GIMAP6: variants seen among roughly 807,000 people sequenced by gnomAD.
GIMAP6 encodes GTPase IMAP family member 6.
In GIMAP6, 6 loss-of-function variants were observed where a neutral mutation model predicts 9.3. The ratio of observed to expected loss-of-function variants is 0.65; its 90% CI spans 0.35 to 1.27. GIMAP6 has a LOEUF of 1.27. GIMAP6 is among the 50% of genes most tolerant of loss of function. GIMAP6 has a pLI of 0.03. For missense variants in GIMAP6, 333 were observed against 359.5 expected (o/e 0.93, Z 0.60); for synonymous variants, 156 against 151.1 (o/e 1.03, Z -0.24).
Position 150,630,565 on chromosome 7 carries a change from G to A in GIMAP6, c.1-423C>T, listed in dbSNP as rs1478289797. Among the ~76,000 whole-genome samples, 4 of 152,328 alleles carry A rather than the reference G, an allele frequency of 2.6e-5. 1 individual carries two copies. In the South Asian group the frequency reaches 8.3e-4, roughly 32 times the overall value. ...TGTGATTCTGATCCTGTGTTCCCTG[G>A]GAGCAGCAGGAAGGCCTGGTGTGCC... On this transcript the variant is annotated intron_variant, in intron 1 of 2. Coordinates refer to ENST00000328902, the MANE Select transcript of GIMAP6 (RefSeq NM_024711.6).
Position 150,627,534 on chromosome 7 carries a change from T to C in GIMAP6, c.*185A>G, listed in dbSNP as rs187554232. The C allele has an allele frequency of 0.01, 6,637 of 663,310 alleles. 446 individuals carry two copies. The South Asian group carries it at 0.12, about 12-fold the overall frequency. 41.1% of individuals were successfully genotyped at this position (663,310 alleles called of 1,614,324 possible). A position where few individuals can be genotyped will look rare whatever the true frequency, so the allele number is the denominator to read the frequency against. On this transcript the variant is annotated 3_prime_UTR_variant, in exon 3 of 3. Transcript: ENST00000328902. Reference sequence around the variant, plus strand: ...GACCCAGATGTTCTGGAAGAAGGAATGAAGGAACTGGAATGTGATCTGGGC... The same window carrying C: ...GACCCAGATGTTCTGGAAGAAGGAACGAAGGAACTGGAATGTGATCTGGGC...
rs182590768 is a variant in GIMAP6 at position 150,625,436 on chromosome 7, C to T, written c.*2283G>A. On this transcript the variant is annotated 3_prime_UTR_variant, in exon 3 of 3. Transcript: ENST00000328902. ...TGTTTTGAGTGCCTTGCCAGTTAGT[C>T]GCTGAATGGATCTCATTTGGTCAAA... 7.9e-4 allele frequency: 120 copies of T among 152,246 alleles called. No homozygotes were observed. The highest frequency in any genetic ancestry group is 2.5e-3 in the African/African-American group (102 of 41,542). The allele number at this position is 152,246 out of a possible 1,614,324, so 9.4% of individuals were successfully genotyped here.
rs972425368 is a variant in GIMAP6 at position 150,626,451 on chromosome 7, G to T, written c.*1268C>A. On this transcript the variant is annotated 3_prime_UTR_variant, in exon 3 of 3. Coordinates refer to ENST00000328902, the MANE Select transcript of GIMAP6 (RefSeq NM_024711.6). ...CTCAAAGGAGGTGGGGTGCACCCGGGGCACATCAGTCTCCTCTTGCTGGCA... is the reference window on the plus strand; with the variant it reads ...CTCAAAGGAGGTGGGGTGCACCCGGTGCACATCAGTCTCCTCTTGCTGGCA... 3.9e-4 allele frequency: 60 copies of T among 152,274 alleles called. No individual in the cohort carries two copies. The highest frequency in any genetic ancestry group is 1.3e-3 in the African/African-American group (55 of 41,440). The allele number at this position is 152,274 out of a possible 1,614,324, so 9.4% of individuals were successfully genotyped here.
Position 150,630,146 on chromosome 7 carries a change from C to CAAAAAA in GIMAP6, c.1-10_1-5dup, listed in dbSNP as rs58764098. ...GTTCATATTCTTCTTCCTCCATCTA[C>CAAAAAA]AAAAAAAAAAAAAAAAAAAAAATCA... On this transcript the variant is annotated splice_polypyrimidine_tract_variant and splice_region_variant and intron_variant, in intron 1 of 2. Coordinates refer to ENST00000328902, the MANE Select transcript of GIMAP6 (RefSeq NM_024711.6). 3.4e-5 allele frequency: 32 copies of CAAAAAA among 936,234 alleles called. No individual in the cohort carries two copies. The highest frequency in any genetic ancestry group is 1.7e-4 in the South Asian group (7 of 41,310). 58.0% of individuals were successfully genotyped at this position (936,234 alleles called of 1,614,324 possible). A position where few individuals can be genotyped will look rare whatever the true frequency, so the allele number is the denominator to read the frequency against.
chr7:150,628,293 G>A lies in GIMAP6; in HGVS notation c.305C>T (p.Pro102Leu). ...GTCTGCCACCTCTGGCGAGACCTGG[G>A]GGGACAGAATGTTGGGTGTGTCAAT... Reference protein sequence around the residue: ...EVIDTPNILSPQVSPEVADAI... With the variant: ...EVIDTPNILSLQVSPEVADAI... Residue 102 changes from proline to leucine, a missense_variant, in exon 3 of 3, where the codon CCC becomes CTC. By Grantham distance (98) the Pro-to-Leu change is moderately conservative (BLOSUM62 -3). Transcript: ENST00000328902. 1 of 1,614,196 alleles carries A rather than the reference G, an allele frequency of 6.2e-7. No individual in the cohort carries two copies. The highest frequency in any genetic ancestry group is 8.5e-7 in the Non-Finnish European group (1 of 1,180,016).
intron 1 of GIMAP6, among the ~76,000 whole-genome samples, chr7:150,631,664 C>A (rs968884297): frequency 6.6e-6 from 1 of 152,216 alleles, no homozygotes; most frequent in African/African-American, 2.4e-5. Flanking sequence ...ACCTCCCTGC[C>A]TCCTCCTAGA....
Position 150,628,007 on chromosome 7 carries a change from G to A in GIMAP6, c.591C>T (p.Cys197=), listed in dbSNP as rs561097678. 1.7e-5 allele frequency: 28 copies of A among 1,614,234 alleles called. No homozygotes were observed. Among genetic ancestry groups the A allele is most frequent in the African/African-American group, 5.3e-5 (4 of 75,066 alleles). ...WLDVTLARRH[C]GFNNRAQGEE... is the part of the protein sequence containing the mutation. ...CCCCCTGTGCCCTGTTGTTGAAGCC[G>A]CAATGGCGCCGTGCAAGGGTCACAT... The change falls in exon 3 of 3, where the codon TGC becomes TGT. Residue 197 remains cysteine (C), a synonymous_variant. Transcript: ENST00000328902.
chr7:150,630,413 A>G (rs1796372486), intron 1 of GIMAP6, among the ~76,000 whole-genome samples: 2 of 152,096 alleles, frequency 1.3e-5, no homozygotes, highest in Non-Finnish European at 2.9e-5. Context: ...TAAAGGTGCA[A>G]CTGGCCTGGG....
At chr7:150,629,951 G>T in intron 2 of GIMAP6, 107 bp downstream of exon 2, 4 of 780,380 alleles carry the variant, frequency 5.1e-6, no homozygotes, top group South Asian at 1.7e-5. Flanking sequence ...AAATTTCTGT[G>T]ACTGGGGGAC....
chr7:150,629,950 T>G lies in GIMAP6; in HGVS notation c.85+108A>C, dbSNP rs2116785596. The G allele has an allele frequency of 3.9e-6, 3 of 777,100 alleles. No individual in the cohort carries two copies. In the South Asian group the frequency reaches 5.0e-5, roughly 13 times the overall value. 48.1% of individuals were successfully genotyped at this position (777,100 alleles called of 1,614,324 possible). On this transcript the variant is annotated intron_variant, in intron 2 of 2. Coordinates refer to ENST00000328902, the MANE Select transcript of GIMAP6 (RefSeq NM_024711.6). ...GGTGGCTGAGGCGGGTAAATTTCTGTGACTGGGGGACGTCAGCTTCCTCTC... is the reference window on the plus strand; with the variant it reads ...GGTGGCTGAGGCGGGTAAATTTCTGGGACTGGGGGACGTCAGCTTCCTCTC...
chr7:150,629,960 A>G (rs1585183549), intron 2 of GIMAP6, 98 bp downstream of exon 2: 1 of 804,358 alleles, frequency 1.2e-6, no homozygotes, highest in South Asian at 1.7e-5. Flanking sequence ...TGACTGGGGG[A>G]CGTCAGCTTC....
chr7:150,631,915 A>AAC (rs757248714), intron 1 of GIMAP6, among the ~76,000 whole-genome samples: 6 of 151,924 alleles, frequency 3.9e-5, no homozygotes, highest in Admixed American at 6.6e-5. Context: ...ACAAATACAC[A>AAC]ACACACACAC....
intron 2 of GIMAP6, among the ~76,000 whole-genome samples, chr7:150,629,153 C>T (rs1796350947): frequency 6.6e-6 from 1 of 152,202 alleles, no homozygotes; most frequent in African/African-American, 2.4e-5. Flanking sequence ...CCCACCTAGC[C>T]CAGTGCAGAG....
At chr7:150,631,358 G>A (rs1471360968) in intron 1 of GIMAP6, among the ~76,000 whole-genome samples, 1 of 152,194 alleles carries the variant, frequency 6.6e-6, no homozygotes, top group Non-Finnish European at 1.5e-5. Flanking sequence ...AAGCAGGCCA[G>A]GCGGACAGCC....
At chr7:150,628,835 G>T in intron 2 of GIMAP6, 1 of 1,065,780 alleles carries the variant, frequency 9.4e-7, no homozygotes, top group Non-Finnish European at 1.3e-6. Context: ...CTGGCCTTGC[G>T]GGTCCCAAGA....
intron 2 of GIMAP6, among the ~76,000 whole-genome samples, chr7:150,629,144 C>A (rs1796350853): frequency 6.6e-6 from 1 of 152,196 alleles, no homozygotes; most frequent in South Asian, 2.1e-4. Flanking sequence ...TCATCCCCAC[C>A]CACCTAGCCC....
rs201051041 is a variant in GIMAP6, at chr7:150,628,249, C to A, written c.349G>T (p.Val117Phe). 5.0e-6 allele frequency: 8 copies of A among 1,614,102 alleles called. No homozygotes were observed. Among genetic ancestry groups the A allele is most frequent in the Non-Finnish European group, 6.8e-6 (8 of 1,179,960 alleles). Residue 117 changes from valine to phenylalanine, a missense_variant, in exon 3 of 3, where the codon GTC becomes TTC. By Grantham distance (50) the Val-to-Phe change is conservative (BLOSUM62 -1). Coordinates refer to ENST00000328902, the MANE Select transcript of GIMAP6 (RefSeq NM_024711.6). ...GCGTGGGGCCCTGGGGCGGATAAGACGATGGCTTGGCAGATAGCGTCTGCC... is the reference window on the plus strand; with the variant it reads ...GCGTGGGGCCCTGGGGCGGATAAGAAGATGGCTTGGCAGATAGCGTCTGCC... ...EVADAICQAIVLSAPGPHAVL... is the reference protein window; with the variant it reads ...EVADAICQAIFLSAPGPHAVL...
Position 150,628,276 on chromosome 7 carries a change from C to T in GIMAP6, c.322G>A (p.Val108Met), listed in dbSNP as rs756267501. The T allele has an allele frequency of 9.3e-6, 15 of 1,614,070 alleles. No individual in the cohort carries two copies. In the Admixed American group the frequency reaches 1.3e-4, roughly 14 times the overall value. The part of the protein sequence containing the change: ...NILSPQVSPE[V>M]ADAICQAIVL... ...ATGGCTTGGCAGATAGCGTCTGCCACCTCTGGCGAGACCTGGGGGGACAGA... is the reference window on the plus strand; with the variant it reads ...ATGGCTTGGCAGATAGCGTCTGCCATCTCTGGCGAGACCTGGGGGGACAGA... The change falls in exon 3 of 3, where the codon GTG becomes ATG. Residue 108 changes from valine (V) to methionine (M), a missense_variant. Transcript: ENST00000328902.
intron 1 of GIMAP6, among the ~76,000 whole-genome samples, chr7:150,630,350 T>A (rs556071265): frequency 1.3e-5 from 2 of 152,164 alleles, no homozygotes; most frequent in South Asian, 4.2e-4. Context: ...AGGGATGCTA[T>A]CCCTCGCCCC....
Sources: allele counts gnomAD v4.1 joint callset (sites outside exome capture counted in the v4.1 genomes callset), GRCh38; gene constraint gnomAD v4.1.1; transcripts MANE v1.5; gene names NCBI Gene and HGNC (gene_info 2026-07-23, HGNC 2026-07-21).